SGSM3: variants seen among roughly 807,000 people sequenced by gnomAD.
SGSM3 encodes small G protein signaling modulator 3, also known as RUN and SH3 containing 3.
In SGSM3, 96 loss-of-function variants were observed where a neutral mutation model predicts 100.5. The observed-to-expected ratio is 0.96, with a 90% CI of 0.81 to 1.13. The LOEUF is 1.13. SGSM3 is among the 50% of genes most tolerant of loss of function. SGSM3 has a pLI of 0.00. For missense variants in SGSM3, 1,001 were observed against 1,015.8 expected (o/e 0.99, Z 0.20); for synonymous variants, 483 against 422.8 (o/e 1.14, Z -1.75).
At chr22:40,402,719 AC>A (rs1383847378) in intron 4 of SGSM3, among the ~76,000 whole-genome samples, 1 of 152,246 alleles carries the variant, frequency 6.6e-6, no homozygotes, top group Non-Finnish European at 1.5e-5. Context: ...AGCCTAGGCA[AC>A]AAGAGCAAAC....
chr22:40,377,240 T>C (rs2046780865), intron 1 of SGSM3, among the ~76,000 whole-genome samples: 2 of 152,234 alleles, frequency 1.3e-5, no homozygotes, highest in Admixed American at 1.3e-4. Context: ...CCAACAGATG[T>C]TAGGCAAATA....
At chr22:40,406,946 A>G (rs774103770) in intron 10 of SGSM3, 71 bp from the exon 11 acceptor site, 42 of 1,443,644 alleles carry the variant, frequency 2.9e-5, no homozygotes, top group Non-Finnish European at 3.9e-5. Flanking sequence ...ATGAGACAGT[A>G]TAAGCCAAGG....
At chr22:40,393,342 T>G (rs917586027) in intron 1 of SGSM3, among the ~76,000 whole-genome samples, 1 of 152,258 alleles carries the variant, frequency 6.6e-6, no homozygotes, top group Non-Finnish European at 1.5e-5. Flanking sequence ...GGTCGCAAAC[T>G]CCTGACCTCA....
intron 1 of SGSM3, among the ~76,000 whole-genome samples, chr22:40,397,565 T>A (rs1321389467): frequency 6.6e-6 from 1 of 152,192 alleles, no homozygotes; most frequent in Admixed American, 6.5e-5. Flanking sequence ...CCTCCCCTAC[T>A]TTCCCAGCTC....
chr22:40,407,087 GT>G lies in SGSM3; in HGVS notation c.1240+17del. 6.2e-7 allele frequency: 1 copy of G among 1,601,508 alleles called. No individual in the cohort carries two copies. Among genetic ancestry groups the G allele is most frequent in the Non-Finnish European group, 8.5e-7 (1 of 1,174,168 alleles). Reference sequence around the variant, plus strand: ...CTGCTCTTCGGTGAGAGCTCTGCGAGTGCCAGGCAGTGTGGGCATGCGGGAG... The same window carrying G: ...CTGCTCTTCGGTGAGAGCTCTGCGAGGCCAGGCAGTGTGGGCATGCGGGAG... On this transcript the variant is annotated intron_variant, in intron 11 of 21. Coordinates refer to ENST00000248929, the MANE Select transcript of SGSM3 (RefSeq NM_015705.6). This position sits in a 1 kb window ranked among gnomAD's most constrained non-coding sequence, Gnocchi z 4.7.
chr22:40,391,244 G>A (rs147041567), intron 1 of SGSM3, among the ~76,000 whole-genome samples: 24 of 152,280 alleles, frequency 1.6e-4, no homozygotes, highest in African/African-American at 3.6e-4. Context: ...TCAGAAATTC[G>A]GGGGCTGGGC....
At chr22:40,380,033 T>C (rs1476294482) in intron 1 of SGSM3, among the ~76,000 whole-genome samples, 1 of 152,130 alleles carries the variant, frequency 6.6e-6, no homozygotes, top group Non-Finnish European at 1.5e-5. Flanking sequence ...TTAACTGGCC[T>C]TGGGTTGTTT....
intron 10 of SGSM3, 125 bp from the exon 11 acceptor site, chr22:40,406,892 T>C: frequency 1.9e-6 from 2 of 1,061,404 alleles, no homozygotes; most frequent in Non-Finnish European, 2.8e-6. Flanking sequence ...CAGCTCTGAT[T>C]ATCTGTTTTC....
chr22:40,386,562 CTTTT>C (rs60319316), intron 1 of SGSM3, among the ~76,000 whole-genome samples: 9 of 68,366 alleles, frequency 1.3e-4, no homozygotes, highest in African/African-American at 2.3e-4. Flanking sequence ...AATTTTCTTA[CTTTT>C]TTTTTTTTTT....
At chr22:40,371,979 C>T (rs1223382342) in intron 1 of SGSM3, among the ~76,000 whole-genome samples, 1 of 152,112 alleles carries the variant, frequency 6.6e-6, no homozygotes, top group Non-Finnish European at 1.5e-5. Context: ...GGATTACAGG[C>T]GTGAGCCACT....
chr22:40,386,036 T>TG (rs56007538), intron 1 of SGSM3, among the ~76,000 whole-genome samples: 11 of 149,744 alleles, frequency 7.3e-5, no homozygotes, highest in African/African-American at 2.7e-4. Flanking sequence ...TTTTTTTTTT[T>TG]GTTTTTTTTG....
At chr22:40,409,063 A>G (rs2147022964) in intron 19 of SGSM3, 45 bp downstream of exon 19, 1 of 1,552,520 alleles carries the variant, frequency 6.4e-7, no homozygotes, top group Non-Finnish European at 8.7e-7. Context: ...GAGTGGGGGG[A>G]CCCAGCCCAG....
intron 3 of SGSM3, among the ~76,000 whole-genome samples, chr22:40,401,929 A>G (rs11704314): frequency 0.14 from 20,894 of 152,264 alleles, 1,806 homozygotes; most frequent in South Asian, 0.29. Flanking sequence ...CTCTGAGAAG[A>G]ACAAGGAAAA....
chr22:40,389,994 C>T (rs2049139598), intron 1 of SGSM3, among the ~76,000 whole-genome samples: 1 of 151,178 alleles, frequency 6.6e-6, no homozygotes, highest in Non-Finnish European at 1.5e-5. Flanking sequence ...CTCTTTAGAC[C>T]CAGCACACAC....
Position 40,404,277 on chromosome 22 carries a change from C to A in SGSM3, c.188C>A (p.Ala63Glu), listed in dbSNP as rs758930073. The stretch of plus-strand genomic sequence containing the variant: ...GATGAGCCTGGCTCCAGTCTGCTGG[C>A]GAACTCCCCTCTGATGGAGGATGCT... ...EGDEPGSSLL[A>E]NSPLMEDAPQ... Residue 63 changes from alanine to glutamate, a missense_variant, in exon 5 of 22, where the codon GCG becomes GAG. Ala to Glu is a moderately radical substitution (Grantham distance 107). Coordinates refer to ENST00000248929, the MANE Select transcript of SGSM3 (RefSeq NM_015705.6). 5.9e-6 allele frequency: 9 copies of A among 1,520,822 alleles called. No homozygotes were observed. The highest frequency in any genetic ancestry group is 7.9e-6 in the Non-Finnish European group (9 of 1,133,984). 94.2% of individuals were successfully genotyped at this position (1,520,822 alleles called of 1,614,324 possible).
In SGSM3 at chr22:40,407,148, T is replaced by C; in HGVS notation, c.1241-53T>C. On this transcript the variant is annotated intron_variant, in intron 11 of 21. Coordinates refer to ENST00000248929, the MANE Select transcript of SGSM3 (RefSeq NM_015705.6). This position sits in a 1 kb window ranked among gnomAD's most constrained non-coding sequence, Gnocchi z 4.7. ...ACGCTCATGTGGACGTGGAGCTTCC[T>C]CCTCGGGGGCCTGGAGTGGGCTGTG... 6.2e-7 allele frequency: 1 copy of C among 1,612,342 alleles called. No homozygotes were observed.
intron 1 of SGSM3, among the ~76,000 whole-genome samples, chr22:40,396,296 A>C (rs942281405): frequency 2.0e-5 from 3 of 152,130 alleles, no homozygotes; most frequent in Non-Finnish European, 4.4e-5. Context: ...GCCTCTTAGA[A>C]GTATTTTTGC....
chr22:40,372,018 A>G (rs868815929), intron 1 of SGSM3, among the ~76,000 whole-genome samples: 3 of 148,900 alleles, frequency 2.0e-5, no homozygotes, highest in African/African-American at 4.9e-5. Flanking sequence ...TTGTAATTCT[A>G]TAGATATCTT....
At chr22:40,402,073 A>G in intron 3 of SGSM3, 66 bp from the exon 4 acceptor site, 2 of 1,238,268 alleles carry the variant, frequency 1.6e-6, no homozygotes, top group Non-Finnish European at 1.2e-6. Context: ...TGTGGGTGGC[A>G]TCTTTCAGAC....
Sources: allele counts gnomAD v4.1 joint callset (sites outside exome capture counted in the v4.1 genomes callset), GRCh38; gene constraint gnomAD v4.1.1; non-coding constraint Gnocchi (gnomAD v3.1); transcripts MANE v1.5; gene names NCBI Gene and HGNC (gene_info 2026-07-23, HGNC 2026-07-21).